MAP4K4: variants seen among roughly 807,000 people sequenced by gnomAD.
MAP4K4 encodes the protein mitogen-activated protein kinase kinase kinase kinase 4, also known as HPK/GCK-like kinase HGK.
MAP4K4 carries 38 observed loss-of-function variants against 189.6 expected under a neutral mutation model. The ratio of observed to expected loss-of-function variants is 0.20; its 90% CI spans 0.15 to 0.26. The LOEUF (loss-of-function observed/expected upper bound fraction) is 0.26. MAP4K4 is among the 10% of genes least tolerant of loss of function. The probability of loss-of-function intolerance (pLI) is 1.00; values close to 1 mark genes in which losing one functional copy is unlikely to be tolerated. For synonymous variants in MAP4K4, 610 were observed against 624.3 expected (o/e 0.98, Z 0.34); for missense variants, 1,054 against 1,726.9 (o/e 0.61, Z 6.91).
chr2:101,873,278 A>T (rs1018566555), intron 24 of MAP4K4, among the ~76,000 whole-genome samples: 1 of 152,214 alleles, frequency 6.6e-6, no homozygotes, highest in African/African-American at 2.4e-5. Flanking sequence ...ATAAATTCAG[A>T]AGTTGGTGAA....
At chr2:101,874,275 A>C in intron 26 of MAP4K4, 23 bp downstream of exon 26, 3 of 1,589,390 alleles carry the variant, frequency 1.9e-6, no homozygotes, top group Non-Finnish European at 2.6e-6. Context: ...CCACTACTCC[A>C]ACACTTTCAT....
At chr2:101,756,729 ATTT>A (rs34314872) in intron 2 of MAP4K4, among the ~76,000 whole-genome samples, 3 of 125,026 alleles carry the variant, frequency 2.4e-5, no homozygotes, top group Admixed American at 8.2e-5. Context: ...TAATTTTTGT[ATTT>A]TTTTTTTTTT....
chr2:101,872,810 T>C (rs2098085875), intron 24 of MAP4K4, among the ~76,000 whole-genome samples: 1 of 152,132 alleles, frequency 6.6e-6, no homozygotes, highest in Non-Finnish European at 1.5e-5. Flanking sequence ...ATCAGACATG[T>C]TCCTTTTTTC....
At chr2:101,810,646 G>A (rs1267278461) in intron 3 of MAP4K4, among the ~76,000 whole-genome samples, 1 of 152,088 alleles carries the variant, frequency 6.6e-6, no homozygotes, top group Non-Finnish European at 1.5e-5. Flanking sequence ...TGAATAGCAA[G>A]CCCCAAATTA....
At chr2:101,773,560 A>G (rs2082475257) in intron 2 of MAP4K4, among the ~76,000 whole-genome samples, 1 of 152,002 alleles carries the variant, frequency 6.6e-6, no homozygotes, top group Non-Finnish European at 1.5e-5. Context: ...TAGGGTATCC[A>G]TCCCCTCATG....
chr2:101,873,317 T>G (rs1434734511), intron 24 of MAP4K4, among the ~76,000 whole-genome samples: 1 of 152,200 alleles, frequency 6.6e-6, no homozygotes, highest in Non-Finnish European at 1.5e-5. Flanking sequence ...AGACCTCCTT[T>G]AGGAGTTTCA....
At chr2:101,864,892 GT>G in intron 17 of MAP4K4, 37 bp from the exon 18 acceptor site, 1 of 1,319,704 alleles carries the variant, frequency 7.6e-7, no homozygotes, top group Non-Finnish European at 1.0e-6. Flanking sequence ...TCCTTTTCAT[GT>G]TTTCAATAAT....
chr2:101,790,837 C>A lies in MAP4K4; in HGVS notation c.180+61C>A, dbSNP rs916073905. 1.6e-5 allele frequency: 21 copies of A among 1,342,990 alleles called. No homozygotes were observed. In the African/African-American group the frequency reaches 3.0e-4, roughly 19 times the overall value. 83.2% of individuals were successfully genotyped at this position (1,342,990 alleles called of 1,614,324 possible). ...AGATGGAAGACAAAGATTCCCCCAA[C>A]AACACAGAGTATTACTCTGTTTGGA... is the stretch of plus-strand genomic sequence containing the variant. On this transcript the variant is annotated intron_variant, in intron 3 of 32. Coordinates refer to ENST00000324219, the Ensembl canonical transcript of MAP4K4.
intron 9 of MAP4K4, among the ~76,000 whole-genome samples, chr2:101,838,273 C>T (rs931863170): frequency 6.6e-6 from 1 of 152,194 alleles, no homozygotes; most frequent in African/African-American, 2.4e-5. Context: ...TCAATAAACT[C>T]CCCAAAATGA....
intron 21 of MAP4K4, among the ~76,000 whole-genome samples, chr2:101,868,416 C>T (rs776169475): frequency 1.3e-5 from 2 of 152,028 alleles, no homozygotes; most frequent in Non-Finnish European, 2.9e-5. Flanking sequence ...ACATAGACTG[C>T]GTTTTTAAAA....
chr2:101,792,597 T>TCTCCTCCTCCTCCTC lies in MAP4K4; in HGVS notation c.180+1839_180+1853dup, dbSNP rs60472010. Among the ~76,000 whole-genome samples, 779 of 144,872 alleles carry TCTCCTCCTCCTCCTC rather than the reference T, an allele frequency of 5.4e-3. 21 individuals are homozygous for TCTCCTCCTCCTCCTC. Among genetic ancestry groups the TCTCCTCCTCCTCCTC allele is most frequent in the African/African-American group, 0.017 (626 of 36,584 alleles). On this transcript the variant is annotated intron_variant, in intron 3 of 32. Transcript: ENST00000324219. ...ATACTTACTGCCACCTTCTCCTCCT[T>TCTCCTCCTCCTCCTC]CTCCTCCTCCTCCTCCTCCTCCTCC...
chr2:101,866,789 G>A (rs548347156), intron 19 of MAP4K4, among the ~76,000 whole-genome samples: 2 of 146,340 alleles, frequency 1.4e-5, no homozygotes, highest in South Asian at 2.3e-4. Flanking sequence ...CACTGTGAGC[G>A]CTTTACAATT....
intron 22 of MAP4K4, 189 bp from the exon 23 acceptor site, chr2:101,870,106 C>A: frequency 1.5e-6 from 1 of 661,380 alleles, no homozygotes; most frequent in Non-Finnish European, 2.5e-6. Flanking sequence ...TAAGTTTTTG[C>A]TCAGAAACAA....
chr2:101,829,554 C>T (rs755688936), exon 6 of MAP4K4: 3 of 1,611,872 alleles, frequency 1.9e-6, no homozygotes, highest in Non-Finnish European at 2.5e-6. Context: ...ATATCAAGGG[C>T]CAGAATGTGT....
Position 101,879,275 on chromosome 2 carries a change from T to A in MAP4K4, c.3385+2129T>A, listed in dbSNP as rs936736974. Among the ~76,000 whole-genome samples the A allele has an allele frequency of 4.6e-4, 68 of 147,934 alleles. 1 individual carries two copies. The highest frequency in any genetic ancestry group is 9.5e-4 in the Non-Finnish European group (64 of 67,242). Reference sequence around the variant, plus strand: ...TCATTTTTTGGTCTACTTTTCTGTTTTTTTTTTTTTTCCTTCCTTATTAAC... The same window carrying A: ...TCATTTTTTGGTCTACTTTTCTGTTATTTTTTTTTTTCCTTCCTTATTAAC... On this transcript the variant is annotated intron_variant, in intron 27 of 32. Transcript: ENST00000324219.
intron 21 of MAP4K4, among the ~76,000 whole-genome samples, chr2:101,869,194 G>A (rs923718693): frequency 1.3e-5 from 2 of 151,896 alleles, no homozygotes; most frequent in Admixed American, 6.5e-5. Flanking sequence ...AAATAAAAAT[G>A]TGTCTCTCAA....
At chr2:101,843,497 A>G (rs1403555953) in intron 11 of MAP4K4, among the ~76,000 whole-genome samples, 2 of 152,230 alleles carry the variant, frequency 1.3e-5, no homozygotes, top group Admixed American at 1.3e-4. Context: ...GCACTGTATG[A>G]CGAAAAAGGC....
At chr2:101,768,948 AT>A in intron 2 of MAP4K4, among the ~76,000 whole-genome samples, 1 of 152,316 alleles carries the variant, frequency 6.6e-6, no homozygotes, top group South Asian at 2.1e-4. Context: ...GAGTCTTCTA[AT>A]TTGAAACTGT....
chr2:101,886,295 A>C (rs1271537326), intron 29 of MAP4K4, among the ~76,000 whole-genome samples: 1 of 152,198 alleles, frequency 6.6e-6, no homozygotes, highest in Non-Finnish European at 1.5e-5. Context: ...TAGTGATGTC[A>C]GTGAAAAATG....
Sources: gnomAD v4.1 joint callset for allele counts (sites outside exome capture counted in the v4.1 genomes callset) on GRCh38, gnomAD v4.1.1 for gene constraint, MANE v1.5 for transcripts, NCBI Gene and HGNC (gene_info 2026-07-23, HGNC 2026-07-21) for gene names.